Variants in CYP2C8 observed in about 807,000 individuals in gnomAD.
The protein encoded by CYP2C8 is cytochrome P450 2C8.
A neutral mutation model predicts 41.3 loss-of-function variants in CYP2C8; 51 were observed. The ratio of observed to expected loss-of-function variants is 1.24; its 90% CI spans 0.99 to 1.56. CYP2C8 has a LOEUF of 1.56. Ranked by LOEUF, CYP2C8 falls within the 40% of genes most tolerant of loss-of-function variation. The probability of loss-of-function intolerance (pLI) is 0.00; values close to 1 mark genes in which losing one functional copy is unlikely to be tolerated. For missense variants in CYP2C8, 651 were observed against 579.9 expected (o/e 1.12, Z -1.26); for synonymous variants, 218 against 205.8 (o/e 1.06, Z -0.51).
chr10:95,054,065 A>T, intron 5 of CYP2C8, among the ~76,000 whole-genome samples: 1 of 152,130 alleles, frequency 6.6e-6, no homozygotes, highest in East Asian at 1.9e-4. Context: ...ATCAGGGGGT[A>T]AAAAAACCCA....
rs188741055 is a variant in CYP2C8, at chr10:95,047,597, G to A, written c.820-1646C>T. On this transcript the variant is annotated intron_variant, in intron 5 of 8. Transcript: ENST00000371270. ...AACTTATTCTTAGGAATAAGTTCAG[G>A]AATAAATAGGAAAATACAAAGTGAA... 2.5e-4 allele frequency among the ~76,000 whole-genome samples: 38 copies of A among 152,188 alleles called. No individual in the cohort carries two copies. In the East Asian group the frequency reaches 6.8e-3, roughly 27 times the overall value.
rs138029583 is a variant in CYP2C8 at position 95,053,480 on chromosome 10, A to G, written c.819+4855T>C. Reference sequence around the variant, plus strand: ...ACACATGTACAAGTGTGTTTATTGCAGCACTATTTACAATAGCAAAGACTT... The same window carrying G: ...ACACATGTACAAGTGTGTTTATTGCGGCACTATTTACAATAGCAAAGACTT... On this transcript the variant is annotated intron_variant, in intron 5 of 8. Coordinates refer to ENST00000371270, the MANE Select transcript of CYP2C8 (RefSeq NM_000770.3). 5.4e-3 allele frequency among the ~76,000 whole-genome samples: 823 copies of G among 152,288 alleles called. 11 individuals are homozygous for G. Among genetic ancestry groups the G allele is most frequent in the African/African-American group, 0.019 (782 of 41,566 alleles).
rs1479964794 is a variant in CYP2C8, at chr10:95,037,183, G to T, written c.1418C>A (p.Thr473Asn). 6.2e-7 allele frequency: 1 copy of T among 1,613,956 alleles called. No individual in the cohort carries two copies. The highest frequency in any genetic ancestry group is 8.5e-7 in the Non-Finnish European group (1 of 1,179,874). ...DLKNLNTTAV[T>N]KGIVSLPPSY... ...GGGTGGCAGAGAAACAATCCCTTTG[G>T]TAACTGCAGTAGTATTGAGGTTCTT... The change falls in exon 9 of 9, where the codon ACC becomes AAC. Residue 473 changes from threonine to asparagine, a missense_variant. Transcript: ENST00000371270.
At chr10:95,063,294 G>A (rs929137203) in intron 4 of CYP2C8, among the ~76,000 whole-genome samples, 11 of 152,154 alleles carry the variant, frequency 7.2e-5, no homozygotes, top group African/African-American at 2.7e-4. Flanking sequence ...CGTAGATTTG[G>A]TCTTTTCACA....
intron 5 of CYP2C8, among the ~76,000 whole-genome samples, chr10:95,055,002 T>TATA (rs964794201): frequency 2.0e-5 from 3 of 151,782 alleles, no homozygotes; most frequent in East Asian, 1.9e-4. Flanking sequence ...AAACTTAAAG[T>TATA]ATAATAATAA....
At position 95,058,403 on chromosome 10, in the gene CYP2C8, GTTCT is replaced by G. The variant is rs1373495398; in HGVS notation, c.747_750del (p.Lys249AsnfsTer19). 1 of 1,613,380 alleles carries G rather than the reference GTTCT, an allele frequency of 6.2e-7. No individual in the cohort carries two copies. The highest frequency in any genetic ancestry group is 1.3e-5 in the African/African-American group (1 of 74,890). On this transcript the variant is annotated frameshift_variant, in exon 5 of 9. Transcript: ENST00000371270. LOFTEE classifies it high-confidence loss of function. ...TTGTTAACATCCAGTGATGCTTGGT[GTTCT>G]TTTACTTTCTCCCTAATGTAACTTC...
intron 5 of CYP2C8, among the ~76,000 whole-genome samples, chr10:95,046,766 AAAG>A (rs1248202254): frequency 2.0e-5 from 3 of 151,550 alleles, no homozygotes; most frequent in South Asian, 2.1e-4. Flanking sequence ...AAAAAAAAAA[AAAG>A]AAGGCACTTG....
intron 5 of CYP2C8, among the ~76,000 whole-genome samples, chr10:95,050,517 G>A (rs1420582771): frequency 6.6e-6 from 1 of 152,138 alleles, no homozygotes; most frequent in Non-Finnish European, 1.5e-5. Flanking sequence ...CAGTGGTGGT[G>A]GATACATGAG....
rs759849180 is a variant in CYP2C8, at chr10:95,038,982, A to G, written c.1206T>C (p.Pro402=). The G allele has an allele frequency of 2.9e-5, 46 of 1,613,386 alleles. No homozygotes were observed. Among genetic ancestry groups the G allele is most frequent in the Admixed American group, 6.7e-5 (4 of 60,016 alleles). The change falls in exon 8 of 9, where the codon CCT becomes CCC. Residue 402 remains proline (P), a synonymous_variant. Coordinates refer to ENST00000371270, the MANE Select transcript of CYP2C8 (RefSeq NM_000770.3). ...GGCCAGGGTCAAAGATATTTGGATT[A>G]GGAAATTCTTTGTCATCATGTAGCA... The part of the protein sequence containing the change: ...TSVLHDDKEF[P]NPNIFDPGHF...
Position 95,069,364 on chromosome 10 carries a change from A to T in CYP2C8, c.39T>A (p.Phe13Leu). Residue 13 changes from phenylalanine to leucine, a missense_variant, in exon 1 of 9, where the codon TTT becomes TTA. By Grantham distance (22) the Phe-to-Leu change is conservative. Transcript: ENST00000371270. ...PFVVLVLCLS[F>L]MLLFSLWRQS... ...GTCTCCAGAGTGAAAAGAGAAGCATAAAAGAGAGACACAGCACCAGGACCA... is the reference window on the plus strand; with the variant it reads ...GTCTCCAGAGTGAAAAGAGAAGCATTAAAGAGAGACACAGCACCAGGACCA... 1.2e-6 allele frequency: 2 copies of T among 1,614,128 alleles called. No homozygotes were observed. The highest frequency in any genetic ancestry group is 1.7e-6 in the Non-Finnish European group (2 of 1,180,020).
In CYP2C8 at chr10:95,067,295, G is replaced by T. The variant is rs145992929; in HGVS notation, c.394C>A (p.Arg132=). Residue 132 remains arginine, a synonymous_variant, in exon 3 of 9, where the codon CGG becomes AGG. Coordinates refer to ENST00000371270, the MANE Select transcript of CYP2C8 (RefSeq NM_000770.3). ...EIRRFSLTTL[R]NFGMGKRSIE... ...CTCCTCTTCCCCATCCCAAAATTCC[G>T]CAAGGTTGTGAGGGAGAAACGCCGG... 314 of 1,614,106 alleles carry T rather than the reference G, an allele frequency of 1.9e-4. No homozygotes were observed. Among genetic ancestry groups the T allele is most frequent in the Non-Finnish European group, 2.4e-4 (280 of 1,180,026 alleles).
intron 5 of CYP2C8, among the ~76,000 whole-genome samples, chr10:95,053,277 C>T (rs572677659): frequency 6.6e-6 from 1 of 151,962 alleles, no homozygotes; most frequent in Non-Finnish European, 1.5e-5. Flanking sequence ...CAGATGCTGG[C>T]GATGATGCAG....
intron 4 of CYP2C8, among the ~76,000 whole-genome samples, chr10:95,063,118 T>G (rs1253104911): frequency 6.6e-6 from 1 of 152,194 alleles, no homozygotes; most frequent in Non-Finnish European, 1.5e-5. Flanking sequence ...TTATGTGTCT[T>G]GGAGTTGCTC....
chr10:95,046,056 A>G, intron 5 of CYP2C8, 105 bp from the exon 6 acceptor site: 1 of 1,275,848 alleles, frequency 7.8e-7, no homozygotes, highest in Middle Eastern at 2.3e-4. Flanking sequence ...CAAAAGAGAT[A>G]CTGGACAGTA....
chr10:95,055,088 C>A (rs1276462343), intron 5 of CYP2C8, among the ~76,000 whole-genome samples: 2 of 152,082 alleles, frequency 1.3e-5, no homozygotes, highest in Admixed American at 6.6e-5. Context: ...TAATCACTGT[C>A]ACAATTCCAA....
At chr10:95,046,508 T>C (rs552928557) in intron 5 of CYP2C8, among the ~76,000 whole-genome samples, 1 of 152,290 alleles carries the variant, frequency 6.6e-6, no homozygotes, top group South Asian at 2.1e-4. Flanking sequence ...AGTATATTTA[T>C]GAGGTCAGAA....
chr10:95,061,755 C>T (rs1464906742), intron 4 of CYP2C8, among the ~76,000 whole-genome samples: 1 of 152,100 alleles, frequency 6.6e-6, no homozygotes, highest in Non-Finnish European at 1.5e-5. Context: ...TAGATCTTTC[C>T]TGCTTTCTCT....
At chr10:95,048,138 G>C (rs2033144132) in intron 5 of CYP2C8, among the ~76,000 whole-genome samples, 3 of 152,202 alleles carry the variant, frequency 2.0e-5, no homozygotes, top group Non-Finnish European at 4.4e-5. Flanking sequence ...GTGTTTGTGA[G>C]TTGTAGATTC....
At chr10:95,061,174 T>C (rs918071759) in intron 4 of CYP2C8, among the ~76,000 whole-genome samples, 3 of 152,202 alleles carry the variant, frequency 2.0e-5, no homozygotes, top group African/African-American at 7.2e-5. Context: ...TTAGGGAGGA[T>C]TCCCTCTTTT....
Sources: allele counts gnomAD v4.1 joint callset (sites outside exome capture counted in the v4.1 genomes callset), GRCh38; gene constraint gnomAD v4.1.1; transcripts MANE v1.5; gene names NCBI Gene and HGNC (gene_info 2026-07-23, HGNC 2026-07-21).